ZFHX3: variants seen among roughly 807,000 people sequenced by gnomAD.
ZFHX3 encodes zinc finger homeobox protein 3.
Under a neutral mutation model 279.1 loss-of-function variants are expected in ZFHX3, and 42 were observed. The observed-to-expected ratio is 0.15, with a 90% CI of 0.12 to 0.19. The LOEUF is 0.19. Among genes scored for constraint, ZFHX3 ranks in the 10% least tolerant of loss-of-function variants. The pLI, the probability that ZFHX3 is intolerant of heterozygous loss-of-function variation, is 1.00. For missense variants in ZFHX3, 4,981 were observed against 4,754.0 expected, an observed-to-expected ratio of 1.05 and a Z score of -1.40; for synonymous variants, 2,293 against 1,957.8, an observed-to-expected ratio of 1.17 and a Z score of -4.52.
intron 1 of ZFHX3, among the ~76,000 whole-genome samples, chr16:73,691,923 G>T (rs748541521): frequency 6.6e-6 from 1 of 152,122 alleles, no homozygotes. Flanking sequence ...GGACATCAAT[G>T]GTAATATTGC....
intron 3 of ZFHX3, among the ~76,000 whole-genome samples, chr16:73,337,117 A>G (rs573952685): frequency 3.0e-4 from 45 of 152,150 alleles, no homozygotes; most frequent in African/African-American, 1.0e-3. Context: ...CAAAATCCCC[A>G]TTTATTTCCA....
chr16:73,298,345 C>T (rs561702953), intron 4 of ZFHX3, among the ~76,000 whole-genome samples: 7 of 151,916 alleles, frequency 4.6e-5, no homozygotes, highest in East Asian at 1.9e-4. Flanking sequence ...CCACCATGCC[C>T]GGCTAATTTT....
chr16:73,365,459 C>T (rs1034022076), intron 3 of ZFHX3, among the ~76,000 whole-genome samples: 5 of 152,204 alleles, frequency 3.3e-5, no homozygotes, highest in Non-Finnish European at 7.3e-5. Context: ...TTATGACTTG[C>T]TAGCGATGGG....
At chr16:73,268,910 C>T (rs1327798523) in intron 4 of ZFHX3, among the ~76,000 whole-genome samples, 1 of 152,148 alleles carries the variant, frequency 6.6e-6, no homozygotes, top group Admixed American at 6.5e-5. Flanking sequence ...GCCCCGGGGA[C>T]ACTCCACAGA....
intron 3 of ZFHX3, among the ~76,000 whole-genome samples, chr16:72,935,940 T>G (rs942241424): frequency 7.9e-5 from 12 of 152,016 alleles, no homozygotes; most frequent in African/African-American, 2.7e-4. Context: ...ACAAGGCATT[T>G]TGATGAGAGT....
At chr16:73,774,004 G>T (rs992564967) in intron 1 of ZFHX3, among the ~76,000 whole-genome samples, 2 of 152,118 alleles carry the variant, frequency 1.3e-5, no homozygotes, top group African/African-American at 4.8e-5. Context: ...CAGGCACGGT[G>T]ACATGTGCTT....
At chr16:72,868,771 C>T (rs1255727915) in intron 4 of ZFHX3, among the ~76,000 whole-genome samples, 1 of 152,230 alleles carries the variant, frequency 6.6e-6, no homozygotes, top group Non-Finnish European at 1.5e-5. Context: ...TGCACCTCCA[C>T]CTTGATTGCT....
intron 4 of ZFHX3, among the ~76,000 whole-genome samples, chr16:73,261,665 A>ATTTTT (rs1201579873): frequency 2.0e-4 from 14 of 71,444 alleles, no homozygotes; most frequent in Middle Eastern, 9.4e-3. Flanking sequence ...CATTCCTGTG[A>ATTTTT]TTGTTTTTTT....
At chr16:73,480,526 C>T (rs1293316752) in intron 2 of ZFHX3, among the ~76,000 whole-genome samples, 2 of 152,170 alleles carry the variant, frequency 1.3e-5, no homozygotes, top group African/African-American at 4.8e-5. Context: ...AGTCACTCTG[C>T]TTTTCTCCCC....
intron 3 of ZFHX3, among the ~76,000 whole-genome samples, chr16:73,386,198 CTG>C (rs1341322157): frequency 6.6e-6 from 1 of 152,024 alleles, no homozygotes; most frequent in Non-Finnish European, 1.5e-5. Flanking sequence ...CCCACCGTCT[CTG>C]TCTCTCTCTC....
chr16:73,583,756 T>C (rs1476059071), intron 2 of ZFHX3, among the ~76,000 whole-genome samples: 1 of 152,098 alleles, frequency 6.6e-6, no homozygotes, highest in Non-Finnish European at 1.5e-5. Context: ...TGACAAAATA[T>C]AACATAAAAA....
intron 2 of ZFHX3, chr16:73,487,009 A>T: frequency 2.9e-6 from 1 of 341,272 alleles, no homozygotes; most frequent in East Asian, 7.4e-5. Flanking sequence ...GAAAAATAAG[A>T]CTTATAAATG....
At chr16:73,455,001 A>T (rs1306463718) in intron 3 of ZFHX3, among the ~76,000 whole-genome samples, 1 of 152,204 alleles carries the variant, frequency 6.6e-6, no homozygotes, top group African/African-American at 2.4e-5. Context: ...TATGCCAAGA[A>T]CATGCTACTT....
chr16:73,839,611 A>G (rs1039770744), intron 1 of ZFHX3, among the ~76,000 whole-genome samples: 1 of 152,216 alleles, frequency 6.6e-6, no homozygotes, highest in Non-Finnish European at 1.5e-5. Flanking sequence ...TTAAGTGTCC[A>G]TCTTTGTGAA....
intron 3 of ZFHX3, among the ~76,000 whole-genome samples, chr16:72,912,147 T>C (rs907145991): frequency 7.2e-5 from 11 of 152,186 alleles, no homozygotes; most frequent in African/African-American, 2.7e-4. Flanking sequence ...GCCCAGACGC[T>C]GGCTGAAGGG....
chr16:72,824,626 G>C (rs2036888515), intron 5 of ZFHX3, among the ~76,000 whole-genome samples: 4 of 152,200 alleles, frequency 2.6e-5, no homozygotes, highest in African/African-American at 4.8e-5. Context: ...GACTCAGCCT[G>C]GTACTCTGTG....
chr16:73,162,980 A>G (rs767578331), intron 5 of ZFHX3, among the ~76,000 whole-genome samples: 5 of 152,186 alleles, frequency 3.3e-5, no homozygotes, highest in African/African-American at 4.8e-5. Flanking sequence ...CGGAGCTCAG[A>G]TTCCAGGAAC....
intron 4 of ZFHX3, among the ~76,000 whole-genome samples, chr16:73,302,201 T>G (rs374075510): frequency 6.6e-6 from 1 of 152,306 alleles, no homozygotes; most frequent in East Asian, 1.9e-4. Flanking sequence ...ATTTTTCCTC[T>G]GTCTTGGTTC....
At chr16:73,071,868 C>A (rs7188917) in intron 8 of ZFHX3, among the ~76,000 whole-genome samples, 7,264 of 152,266 alleles carry the variant, frequency 0.048, 519 homozygotes, top group African/African-American at 0.16. Context: ...CAGGGTGACA[C>A]CACTGGGAAT....
Sources: allele counts gnomAD v4.1 joint callset (sites outside exome capture counted in the v4.1 genomes callset), GRCh38; gene constraint gnomAD v4.1.1; transcripts MANE v1.5; gene names NCBI Gene and HGNC (gene_info 2026-07-23, HGNC 2026-07-21).